The following PCSK5 variants were observed in gnomAD, a reference collection of about 807,000 sequenced individuals.
PCSK5 encodes prohormone convertase 5.
In PCSK5, 129 loss-of-function variants were observed where a neutral mutation model predicts 233.2. The observed-to-expected ratio is 0.55, with a 90% CI of 0.48 to 0.64. The LOEUF is 0.64. Among genes scored for constraint, PCSK5 ranks in the 30% least tolerant of loss-of-function variants. The probability of loss-of-function intolerance (pLI) is 0.00; values close to 1 mark genes in which losing one functional copy is unlikely to be tolerated. For synonymous variants in PCSK5, 825 were observed against 879.2 expected (o/e 0.94, Z 1.09); for missense variants, 2,076 against 2,430.1 (o/e 0.85, Z 3.06).
intron 9 of PCSK5, among the ~76,000 whole-genome samples, chr9:76,116,436 C>T (rs529194022): frequency 2.0e-5 from 3 of 152,132 alleles, no homozygotes; most frequent in East Asian, 3.9e-4. Flanking sequence ...TCACAGAAAA[C>T]GCAATAAGTC....
chr9:76,108,673 C>T (rs1321466494), intron 9 of PCSK5, among the ~76,000 whole-genome samples: 1 of 152,110 alleles, frequency 6.6e-6, no homozygotes, highest in African/African-American at 2.4e-5. Context: ...AAATCGCTTG[C>T]ACCCAGTAGG....
At chr9:76,117,274 T>G (rs190368432) in intron 9 of PCSK5, among the ~76,000 whole-genome samples, 1 of 152,220 alleles carries the variant, frequency 6.6e-6, no homozygotes, top group East Asian at 1.9e-4. Flanking sequence ...GGCCTTGAAC[T>G]TGGCTCCAAT....
At chr9:76,311,016 A>G (rs1828850710) in intron 30 of PCSK5, among the ~76,000 whole-genome samples, 165 bp downstream of exon 30, 1 of 152,154 alleles carries the variant, frequency 6.6e-6, no homozygotes, top group South Asian at 2.1e-4. Flanking sequence ...GCCAAAACTT[A>G]CATGAGGCCA....
chr9:75,932,180 T>TC (rs1428027034), intron 1 of PCSK5, among the ~76,000 whole-genome samples, 199 bp from the exon 2 acceptor site: 2 of 152,318 alleles, frequency 1.3e-5, no homozygotes, highest in African/African-American at 4.8e-5. Flanking sequence ...TCAAGGACAC[T>TC]CCATTTCATA....
chr9:76,243,945 C>T (rs923033627), intron 24 of PCSK5, among the ~76,000 whole-genome samples: 1 of 152,152 alleles, frequency 6.6e-6, no homozygotes, highest in Non-Finnish European at 1.5e-5. Flanking sequence ...TGATTTTGGC[C>T]AAGTGCAATG....
rs567699430 is a variant in PCSK5 at position 76,293,134 on chromosome 9, C to A, written c.3185+859C>A. On this transcript the variant is annotated intron_variant, in intron 25 of 37. Coordinates refer to ENST00000674117, the MANE Select transcript of PCSK5 (RefSeq NM_001372043.1). ...GCGACATTTGGCCTTTGGCGGGTCA[C>A]CTCCTCTTGTCACATTGCCTTTTCC... Among the ~76,000 whole-genome samples the A allele has an allele frequency of 9.3e-5, 14 of 150,184 alleles. No individual in the cohort carries two copies. In the East Asian group the frequency reaches 2.5e-3, roughly 27 times the overall value.
chr9:76,207,261 T>C (rs1413129953), intron 20 of PCSK5, among the ~76,000 whole-genome samples: 1 of 152,212 alleles, frequency 6.6e-6, no homozygotes, highest in Non-Finnish European at 1.5e-5. Context: ...GTCCCAGACA[T>C]GAGGACTTGG....
At chr9:76,282,207 T>C (rs1255507203) in intron 24 of PCSK5, among the ~76,000 whole-genome samples, 3 of 129,062 alleles carry the variant, frequency 2.3e-5, no homozygotes, top group African/African-American at 5.8e-5. Context: ...AGCCTCAAAC[T>C]CCTGGGCTCA....
intron 24 of PCSK5, among the ~76,000 whole-genome samples, chr9:76,266,284 G>C (rs1268192598): frequency 6.6e-6 from 1 of 152,122 alleles, no homozygotes. Context: ...TGGCAAAGCT[G>C]TCAGCTAAAC....
intron 5 of PCSK5, among the ~76,000 whole-genome samples, chr9:76,046,675 C>G (rs1051503550): frequency 2.1e-5 from 3 of 146,098 alleles, no homozygotes; most frequent in African/African-American, 5.1e-5. Context: ...ATTCTCCTGT[C>G]TCAGCCTCCT....
chr9:76,217,078 C>T (rs1825561549), intron 20 of PCSK5, among the ~76,000 whole-genome samples: 3 of 152,136 alleles, frequency 2.0e-5, no homozygotes, highest in South Asian at 2.1e-4. Context: ...CTGCCTCAGC[C>T]TCCCAAAGTG....
At chr9:75,891,445 A>AC in intron 1 of PCSK5, 72 bp downstream of exon 1, 1 of 1,163,288 alleles carries the variant, frequency 8.6e-7, no homozygotes, top group East Asian at 2.8e-5. Flanking sequence ...TCTGCGTGGA[A>AC]CCCCCTCCCC....
chr9:76,313,495 G>A (rs1828928116), intron 30 of PCSK5, among the ~76,000 whole-genome samples: 1 of 151,960 alleles, frequency 6.6e-6, no homozygotes, highest in African/African-American at 2.4e-5. Flanking sequence ...CTGTAGATTT[G>A]CTATTCTTGG....
intron 24 of PCSK5, 58 bp downstream of exon 24, chr9:76,240,742 ATCT>A (rs1249601942): frequency 8.4e-7 from 1 of 1,185,836 alleles, no homozygotes; most frequent in Admixed American, 2.0e-5. Flanking sequence ...TTTTCCACAC[ATCT>A]TCATCCTGTC....
chr9:76,045,938 G>A (rs536821717), intron 5 of PCSK5, among the ~76,000 whole-genome samples: 1 of 152,112 alleles, frequency 6.6e-6, no homozygotes, highest in South Asian at 2.1e-4. Flanking sequence ...TTTGCCATAA[G>A]GGTTTTCCAT....
chr9:76,200,251 G>A (rs1367558311), intron 20 of PCSK5, among the ~76,000 whole-genome samples: 4 of 152,142 alleles, frequency 2.6e-5, no homozygotes, highest in African/African-American at 9.7e-5. Flanking sequence ...CATCCCCCAT[G>A]CCCTCACATG....
intron 13 of PCSK5, among the ~76,000 whole-genome samples, chr9:76,173,496 C>CTTTTTTTTTTTTTGTTTTTTTTTTTTTT (rs1823420095): frequency 1.6e-5 from 1 of 60,968 alleles, no homozygotes; most frequent in Non-Finnish European, 3.3e-5. Context: ...GGCACGTTTC[C>CTTTTTTTTTTTTTGTTTTTTTTTTTTTT]TTTTTTTTTT....
In PCSK5 at chr9:76,094,350, C is replaced by A. The variant is rs141830891; in HGVS notation, c.895-1540C>A. On this transcript the variant is annotated intron_variant, in intron 7 of 37. Coordinates refer to ENST00000674117, the MANE Select transcript of PCSK5 (RefSeq NM_001372043.1). ...GGGCCTGGAAGGAAGAAAGTCTCTG[C>A]CATCACTAGCTTTGTGACTTGGGTT... Among the ~76,000 whole-genome samples the A allele has an allele frequency of 2.5e-3, 387 of 152,240 alleles. 3 individuals are homozygous for A. Among genetic ancestry groups the A allele is most frequent in the African/African-American group, 8.7e-3 (362 of 41,544 alleles).
At chr9:75,909,939 G>A (rs1379166441) in intron 1 of PCSK5, among the ~76,000 whole-genome samples, 2 of 152,190 alleles carry the variant, frequency 1.3e-5, no homozygotes, top group African/African-American at 2.4e-5. Flanking sequence ...TTTACAGCCA[G>A]TGAGTGACTT....
Sources: gnomAD v4.1 joint callset for allele counts (sites outside exome capture counted in the v4.1 genomes callset) on GRCh38, gnomAD v4.1.1 for gene constraint, MANE v1.5 for transcripts, NCBI Gene and HGNC (gene_info 2026-07-23, HGNC 2026-07-21) for gene names.